Variants in TNKS observed in about 807,000 individuals in gnomAD.
TNKS encodes the protein tankyrase, also known as poly [ADP-ribose] polymerase tankyrase-1.
In TNKS, 72 loss-of-function variants were observed where a neutral mutation model predicts 135.8. The observed-to-expected ratio is 0.53, with a 90% CI of 0.44 to 0.64. TNKS has a LOEUF of 0.64. Ranked by LOEUF, TNKS falls within the 30% of genes least tolerant of loss-of-function variation. The pLI, the probability that TNKS is intolerant of heterozygous loss-of-function variation, is 0.00. For synonymous variants in TNKS, 849 were observed against 649.3 expected, an observed-to-expected ratio of 1.31 and a Z score of -4.68; for missense variants, 1,769 against 1,674.0, an observed-to-expected ratio of 1.06 and a Z score of -0.99.
intron 5 of TNKS, among the ~76,000 whole-genome samples, chr8:9,704,361 A>C (rs1390494915): frequency 2.6e-5 from 4 of 152,218 alleles, no homozygotes; most frequent in Non-Finnish European, 5.9e-5. Flanking sequence ...GTGTCTTCTC[A>C]GAACAGTGAG....
intron 3 of TNKS, among the ~76,000 whole-genome samples, chr8:9,644,830 A>G (rs1040344734): frequency 1.3e-5 from 2 of 152,134 alleles, no homozygotes; most frequent in Middle Eastern, 3.2e-3. Context: ...CATTCTTCAG[A>G]TGCCCATACA....
At chr8:9,652,274 G>T (rs1411262964) in intron 3 of TNKS, among the ~76,000 whole-genome samples, 2 of 152,152 alleles carry the variant, frequency 1.3e-5, no homozygotes, top group Non-Finnish European at 2.9e-5. Flanking sequence ...TCCTGGTAAG[G>T]TTTTATCGAT....
intron 3 of TNKS, among the ~76,000 whole-genome samples, chr8:9,679,205 T>G (rs903689969): frequency 1.3e-5 from 2 of 152,198 alleles, no homozygotes; most frequent in African/African-American, 2.4e-5. Context: ...GACCCCAACC[T>G]CCTTTTAAAA....
intron 25 of TNKS, among the ~76,000 whole-genome samples, chr8:9,768,641 G>A (rs1468647472): frequency 6.6e-6 from 1 of 152,206 alleles, no homozygotes; most frequent in African/African-American, 2.4e-5. Context: ...AGCAACAGGC[G>A]AGCCCTGGGG....
Position 9,772,823 on chromosome 8 carries a change from G to C in TNKS, c.3897+2561G>C, listed in dbSNP as rs544354419. On this transcript the variant is annotated intron_variant, in intron 26 of 26. Coordinates refer to ENST00000310430, the MANE Select transcript of TNKS (RefSeq NM_003747.3). ...TGTGTGTGTGTTTGTGTGTGTGTGT[G>C]TGTGTGTCTGTGTGTGTGTGTGTGT... Among the ~76,000 whole-genome samples, 217 of 63,780 alleles carry C rather than the reference G, an allele frequency of 3.4e-3. 1 individual carries two copies. Among genetic ancestry groups the C allele is most frequent in the Admixed American group, 9.7e-3 (59 of 6,054 alleles). 41.8% of individuals were successfully genotyped at this position (63,780 alleles called of 152,430 possible).
At chr8:9,681,999 C>G (rs1802803593) in intron 5 of TNKS, among the ~76,000 whole-genome samples, 1 of 152,052 alleles carries the variant, frequency 6.6e-6, no homozygotes, top group South Asian at 2.1e-4. Flanking sequence ...CATAAACTAG[C>G]AAAGATTTAC....
Position 9,619,788 on chromosome 8 carries a change from CT to C in TNKS, c.994+4128del, listed in dbSNP as rs371608502. 5.0e-3 allele frequency among the ~76,000 whole-genome samples: 652 copies of C among 130,774 alleles called. 3 individuals are homozygous for C. Among genetic ancestry groups the C allele is most frequent in the African/African-American group, 0.013 (448 of 35,202 alleles). 85.8% of individuals were successfully genotyped at this position (130,774 alleles called of 152,430 possible). A position where few individuals can be genotyped will look rare whatever the true frequency, so the allele number is the denominator to read the frequency against. ...AGCAAAATGTATCCGAAATCCTTTG[CT>C]TTTTTTTTTTTTTTTTCCTGCTAAC... On this transcript the variant is annotated intron_variant, in intron 3 of 26. Transcript: ENST00000310430.
intron 5 of TNKS, among the ~76,000 whole-genome samples, chr8:9,688,929 C>G (rs1220601342): frequency 6.6e-6 from 1 of 151,498 alleles, no homozygotes; most frequent in African/African-American, 2.4e-5. Flanking sequence ...GCGTGAGCCA[C>G]TGTTCCCGGC....
chr8:9,568,577 C>G (rs1240607366), intron 1 of TNKS, among the ~76,000 whole-genome samples: 1 of 152,050 alleles, frequency 6.6e-6, no homozygotes, highest in Non-Finnish European at 1.5e-5. Context: ...TGAAAAGAAG[C>G]TATTTTCTAA....
At position 9,654,393 on chromosome 8, in the gene TNKS, C is replaced by CA. The variant is rs879852784; in HGVS notation, c.995-25549dup. Among the ~76,000 whole-genome samples the CA allele has an allele frequency of 1.7e-4, 26 of 150,836 alleles. 1 individual carries two copies. Among genetic ancestry groups the CA allele is most frequent in the South Asian group, 1.5e-3 (7 of 4,764 alleles). ...TTGTGTTAAAAAAAACATGCTTTTA[C>CA]AAAAAAAAATTAAATTTTAATACCT... On this transcript the variant is annotated intron_variant, in intron 3 of 26. Transcript: ENST00000310430.
chr8:9,627,696 A>C (rs1208549923), intron 3 of TNKS, among the ~76,000 whole-genome samples: 1 of 152,120 alleles, frequency 6.6e-6, no homozygotes, highest in Non-Finnish European at 1.5e-5. Flanking sequence ...TTTTCCACTC[A>C]CTGTTTGGCC....
intron 13 of TNKS, among the ~76,000 whole-genome samples, chr8:9,730,534 C>T (rs540820272): frequency 1.3e-5 from 2 of 152,114 alleles, no homozygotes; most frequent in African/African-American, 2.4e-5. Context: ...CAAGCAGATA[C>T]GCTATGACAA....
chr8:9,609,530 T>C (rs1424927789), intron 2 of TNKS, among the ~76,000 whole-genome samples: 1 of 152,182 alleles, frequency 6.6e-6, no homozygotes, highest in Non-Finnish European at 1.5e-5. Flanking sequence ...CCATGAGACA[T>C]TGAAATGACA....
intron 3 of TNKS, among the ~76,000 whole-genome samples, chr8:9,675,330 A>G (rs1802488464): frequency 2.0e-5 from 3 of 152,238 alleles, no homozygotes; most frequent in South Asian, 2.1e-4. Context: ...GAAAACATCT[A>G]TATCAGTGTT....
At chr8:9,776,495 T>C (rs1346562830) in intron 26 of TNKS, among the ~76,000 whole-genome samples, 155 bp from the exon 27 acceptor site, 2 of 152,208 alleles carry the variant, frequency 1.3e-5, no homozygotes, top group African/African-American at 4.8e-5. Context: ...TACAGTTAAG[T>C]AGGTGAACCT....
chr8:9,770,984 G>A (rs1274869278), intron 26 of TNKS, among the ~76,000 whole-genome samples: 1 of 152,052 alleles, frequency 6.6e-6, no homozygotes, highest in Non-Finnish European at 1.5e-5. Context: ...GAATGGAGAA[G>A]GTAAGAAAGA....
chr8:9,648,327 T>G (rs770798796), intron 3 of TNKS, among the ~76,000 whole-genome samples: 3 of 152,210 alleles, frequency 2.0e-5, no homozygotes, highest in Non-Finnish European at 2.9e-5. Context: ...ACACTTAGCA[T>G]AAAACACATT....
At chr8:9,740,429 A>T (rs1004532025) in intron 17 of TNKS, among the ~76,000 whole-genome samples, 1 of 152,080 alleles carries the variant, frequency 6.6e-6, no homozygotes, top group Non-Finnish European at 1.5e-5. Context: ...TCTTCCTCCT[A>T]CCGCCTTCTC....
At chr8:9,580,988 A>G (rs980297204) in intron 2 of TNKS, among the ~76,000 whole-genome samples, 8 of 152,142 alleles carry the variant, frequency 5.3e-5, no homozygotes, top group Non-Finnish European at 8.8e-5. Context: ...GCTGTATACA[A>G]TTTTTTATTT....
Sources: allele counts gnomAD v4.1 joint callset (sites outside exome capture counted in the v4.1 genomes callset), GRCh38; gene constraint gnomAD v4.1.1; transcripts MANE v1.5; gene names NCBI Gene and HGNC (gene_info 2026-07-23, HGNC 2026-07-21).